SEZ6L: variants seen among roughly 807,000 people sequenced by gnomAD.
SEZ6L encodes seizure 6-like protein.
A neutral mutation model predicts 106.2 loss-of-function variants in SEZ6L; 37 were observed. The observed-to-expected ratio is 0.35, with a 90% CI of 0.27 to 0.46. SEZ6L has a LOEUF of 0.46. Ranked by LOEUF, SEZ6L falls within the 20% of genes least tolerant of loss-of-function variation. The pLI is 1.00. For missense variants in SEZ6L, 1,172 were observed against 1,332.8 expected, an observed-to-expected ratio of 0.88 and a Z score of 1.88; for synonymous variants, 541 against 570.4, an observed-to-expected ratio of 0.95 and a Z score of 0.73.
chr22:26,267,256 T>C (rs1351436261), intron 1 of SEZ6L, among the ~76,000 whole-genome samples: 2 of 152,216 alleles, frequency 1.3e-5, no homozygotes, highest in Admixed American at 1.3e-4. Flanking sequence ...TGTGCCTCAG[T>C]GGCTTTACTA....
intron 1 of SEZ6L, among the ~76,000 whole-genome samples, chr22:26,230,050 G>A (rs754235315): frequency 8.5e-5 from 13 of 152,332 alleles, no homozygotes; most frequent in Non-Finnish European, 1.5e-4. Context: ...CACAGTGCCC[G>A]CAGCTGTGAA....
At chr22:26,359,138 G>A (rs1395946202) in intron 12 of SEZ6L, among the ~76,000 whole-genome samples, 1 of 152,194 alleles carries the variant, frequency 6.6e-6, no homozygotes, top group Non-Finnish European at 1.5e-5. Context: ...TGACTCTTCT[G>A]CCATCTTCTA....
chr22:26,328,644 A>G (rs544207334), intron 9 of SEZ6L, among the ~76,000 whole-genome samples: 11 of 152,172 alleles, frequency 7.2e-5, no homozygotes, highest in Non-Finnish European at 1.5e-4. Context: ...GGCTCAGTCC[A>G]GAGATGTGGA....
At chr22:26,303,782 T>A (rs568409741) in intron 5 of SEZ6L, among the ~76,000 whole-genome samples, 1 of 152,306 alleles carries the variant, frequency 6.6e-6, no homozygotes, top group Non-Finnish European at 1.5e-5. Context: ...CCCTTAGCCA[T>A]CTGTGAGATG....
intron 3 of SEZ6L, among the ~76,000 whole-genome samples, chr22:26,295,537 T>C (rs544749207): frequency 6.6e-6 from 1 of 152,180 alleles, no homozygotes; most frequent in Non-Finnish European, 1.5e-5. Context: ...TGCACAAGTG[T>C]GTGGCACATT....
chr22:26,220,746 G>C (rs2078440724), intron 1 of SEZ6L, among the ~76,000 whole-genome samples: 2 of 152,144 alleles, frequency 1.3e-5, no homozygotes, highest in Non-Finnish European at 2.9e-5. Flanking sequence ...TCCATGACAG[G>C]GGCCACTGGG....
At chr22:26,295,214 A>G (rs2081267069) in intron 3 of SEZ6L, among the ~76,000 whole-genome samples, 1 of 152,204 alleles carries the variant, frequency 6.6e-6, no homozygotes, top group Non-Finnish European at 1.5e-5. Flanking sequence ...AAATATGACA[A>G]TGCAGAGATC....
At chr22:26,187,575 G>A (rs755302681) in intron 1 of SEZ6L, among the ~76,000 whole-genome samples, 10 of 152,162 alleles carry the variant, frequency 6.6e-5, no homozygotes, top group Non-Finnish European at 8.8e-5. Context: ...CAGACTTGCC[G>A]TCTTAAACAT....
intron 1 of SEZ6L, among the ~76,000 whole-genome samples, chr22:26,229,610 T>C (rs898622780): frequency 2.0e-5 from 3 of 152,204 alleles, no homozygotes; most frequent in Admixed American, 2.0e-4. Context: ...CCAATTTGTG[T>C]GTAGCCTGAG....
At chr22:26,247,530 G>A (rs1415275918) in intron 1 of SEZ6L, among the ~76,000 whole-genome samples, 16 of 152,130 alleles carry the variant, frequency 1.1e-4, no homozygotes, top group Admixed American at 7.9e-4. Flanking sequence ...GATGATGGGG[G>A]CAGGTAGGAG....
At chr22:26,226,059 C>T (rs937291760) in intron 1 of SEZ6L, among the ~76,000 whole-genome samples, 4 of 152,174 alleles carry the variant, frequency 2.6e-5, no homozygotes, top group African/African-American at 7.2e-5. Context: ...CGATTTTCTC[C>T]ATCCCTGCTG....
intron 12 of SEZ6L, among the ~76,000 whole-genome samples, chr22:26,356,320 G>A (rs1206079486): frequency 6.6e-6 from 1 of 152,120 alleles, no homozygotes; most frequent in Non-Finnish European, 1.5e-5. Context: ...TACATTAAAA[G>A]AAAAACGGTT....
At chr22:26,198,504 T>A (rs1317722647) in intron 1 of SEZ6L, among the ~76,000 whole-genome samples, 1 of 152,250 alleles carries the variant, frequency 6.6e-6, no homozygotes, top group Non-Finnish European at 1.5e-5. Flanking sequence ...TCTTGGTTAG[T>A]TTATGCTGAT....
chr22:26,232,534 G>A (rs1182573262), intron 1 of SEZ6L, among the ~76,000 whole-genome samples: 1 of 152,086 alleles, frequency 6.6e-6, no homozygotes, highest in Non-Finnish European at 1.5e-5. Context: ...TATACAATGG[G>A]GATCTCATCA....
At chr22:26,260,671 G>A (rs956364795) in intron 1 of SEZ6L, among the ~76,000 whole-genome samples, 1 of 152,054 alleles carries the variant, frequency 6.6e-6, no homozygotes, top group Non-Finnish European at 1.5e-5. Flanking sequence ...TTGCAACAGC[G>A]AATTGTGCTG....
intron 1 of SEZ6L, among the ~76,000 whole-genome samples, chr22:26,253,455 C>G (rs9613142): frequency 6.6e-6 from 1 of 152,018 alleles, no homozygotes; most frequent in African/African-American, 2.4e-5. Flanking sequence ...TTGCAATGTC[C>G]TTTCTCAACG....
chr22:26,342,193 T>C (rs2082858397), intron 10 of SEZ6L, among the ~76,000 whole-genome samples: 1 of 152,154 alleles, frequency 6.6e-6, no homozygotes, highest in Non-Finnish European at 1.5e-5. Flanking sequence ...ACCCCAAGAA[T>C]TTCAATGGGC....
chr22:26,218,724 G>T (rs939897926), intron 1 of SEZ6L, among the ~76,000 whole-genome samples: 12 of 152,064 alleles, frequency 7.9e-5, no homozygotes, highest in Non-Finnish European at 1.5e-4. Context: ...ATCACCTGAG[G>T]TCAGGAGTTT....
At chr22:26,296,750 G>A (rs773729869) in intron 3 of SEZ6L, 138 bp from the exon 4 acceptor site, 123 of 632,814 alleles carry the variant, frequency 1.9e-4, no homozygotes, top group Non-Finnish European at 2.7e-4. Flanking sequence ...CTGTGGGCTC[G>A]GCATGGGGCC....
Sources: allele counts gnomAD v4.1 joint callset (sites outside exome capture counted in the v4.1 genomes callset), GRCh38; gene constraint gnomAD v4.1.1; transcripts MANE v1.5; gene names NCBI Gene and HGNC (gene_info 2026-07-23, HGNC 2026-07-21).